The following SEMA6A variants were observed in gnomAD, a reference collection of about 807,000 sequenced individuals.
SEMA6A encodes the protein semaphorin-6A.
Under a neutral mutation model 96.8 loss-of-function variants are expected in SEMA6A, and 25 were observed. The observed-to-expected ratio is 0.26, with a 90% CI of 0.19 to 0.36. The LOEUF is 0.36. Among genes scored for constraint, SEMA6A ranks in the 10% least tolerant of loss-of-function variants. The pLI is 1.00. For synonymous variants in SEMA6A, 612 were observed against 518.0 expected (o/e 1.18, Z -2.46); for missense variants, 1,363 against 1,323.1 (o/e 1.03, Z -0.47).
intron 1 of SEMA6A, among the ~76,000 whole-genome samples, chr5:116,517,984 C>T (rs575642052): frequency 6.6e-6 from 1 of 152,336 alleles, no homozygotes; most frequent in South Asian, 2.1e-4. Flanking sequence ...CAATCCCTGG[C>T]ATCAGAAGCA....
rs1265096571 is a variant in SEMA6A at position 116,497,384 on chromosome 5, G to A, written c.222C>T (p.Asp74=). The change falls in exon 4 of 19, where the codon GAC becomes GAT. Residue 74 remains aspartate, a synonymous_variant. Transcript: ENST00000343348. ...TGTCTATATCAACAGTATAAATATG[G>A]TCCCTATAGGCAAAGAAAAATTAAT... The part of the protein sequence containing the change: ...MNGTLYIAAR[D]HIYTVDIDTS... 1.9e-6 allele frequency: 3 copies of A among 1,584,682 alleles called. No homozygotes were observed. The highest frequency in any genetic ancestry group is 1.3e-5 in the African/African-American group (1 of 74,096).
intron 1 of SEMA6A, among the ~76,000 whole-genome samples, chr5:116,544,817 A>G (rs1289746983): frequency 1.3e-5 from 2 of 152,220 alleles, no homozygotes; most frequent in Non-Finnish European, 1.5e-5. Flanking sequence ...ACCACTGTTA[A>G]ATATAGTGAA....
chr5:116,457,837 A>G (rs72810791), intron 18 of SEMA6A, among the ~76,000 whole-genome samples: 31,387 of 152,132 alleles, frequency 0.21, 3,402 homozygotes, highest in East Asian at 0.39. Context: ...GCAAGAGTTT[A>G]TCTATTACTT....
At chr5:116,476,475 C>T (rs1257022981) in intron 15 of SEMA6A, among the ~76,000 whole-genome samples, 1 of 152,106 alleles carries the variant, frequency 6.6e-6, no homozygotes, top group African/African-American at 2.4e-5. Flanking sequence ...TTTTTTGCCA[C>T]ATTAAAAATC....
At chr5:116,482,606 C>G in intron 10 of SEMA6A, 31 bp from the exon 11 acceptor site, 1 of 1,611,526 alleles carries the variant, frequency 6.2e-7, no homozygotes, top group Non-Finnish European at 8.5e-7. Context: ...TCAAGTGTTA[C>G]TCATGCAATG....
At chr5:116,524,616 A>AAAT (rs979953339) in intron 1 of SEMA6A, among the ~76,000 whole-genome samples, 1 of 152,106 alleles carries the variant, frequency 6.6e-6, no homozygotes, top group African/African-American at 2.4e-5. Flanking sequence ...AAAAAAAAAA[A>AAAT]TCATGAACAG....
At chr5:116,487,106 AAG>A (rs1399013191) in intron 9 of SEMA6A, 140 bp from the exon 10 acceptor site, 4 of 593,516 alleles carry the variant, frequency 6.7e-6, no homozygotes, top group East Asian at 2.8e-5. Context: ...AAAAAAAAAA[AAG>A]AAAGAAAAGA....
intron 1 of SEMA6A, among the ~76,000 whole-genome samples, chr5:116,568,530 A>G (rs1334944494): frequency 1.3e-5 from 2 of 152,342 alleles, no homozygotes; most frequent in Middle Eastern, 3.4e-3. Flanking sequence ...TGAACGTTCT[A>G]TGGCCAGTGG....
rs115412879 is a variant in SEMA6A at position 116,502,864 on chromosome 5, G to C, written c.101-537C>G. ...ATCCACTATTGAAGGCAGCCCCTGA[G>C]AGGTTGGTTGGCATTCTAGGAACTG... On this transcript the variant is annotated intron_variant, in intron 2 of 18. Transcript: ENST00000343348. Among the ~76,000 whole-genome samples the C allele has an allele frequency of 5.3e-5, 8 of 152,366 alleles. No homozygotes were observed. In the East Asian group the frequency reaches 1.5e-3, roughly 29 times the overall value.
chr5:116,472,006 A>G (rs917578405), intron 17 of SEMA6A, among the ~76,000 whole-genome samples: 5 of 152,138 alleles, frequency 3.3e-5, no homozygotes, highest in Non-Finnish European at 7.3e-5. Context: ...TATATATCTT[A>G]AACACACAAA....
chr5:116,471,959 TCTGTACTTAAAGA>T (rs1422543590), intron 17 of SEMA6A, among the ~76,000 whole-genome samples: 1 of 152,180 alleles, frequency 6.6e-6, no homozygotes, highest in African/African-American at 2.4e-5. Flanking sequence ...TTTACCTATT[TCTGTACTTAAAGA>T]CTGTCCTGGA....
chr5:116,472,877 A>G lies in SEMA6A; in HGVS notation c.1729+196T>C, dbSNP rs1226679916. On this transcript the variant is annotated intron_variant, in intron 17 of 18. Transcript: ENST00000343348. ...ATTTAAAAAAAAAAAAAAAATCCGTAAACTGACCATACACTGTGTTGTAAG... is the reference window on the plus strand; with the variant it reads ...ATTTAAAAAAAAAAAAAAAATCCGTGAACTGACCATACACTGTGTTGTAAG... 1.0e-5 allele frequency: 15 copies of G among 1,493,054 alleles called. No homozygotes were observed. In the East Asian group the frequency reaches 3.5e-4, roughly 35 times the overall value. The allele number at this position is 1,493,054 out of a possible 1,614,324, so 92.5% of individuals were successfully genotyped here.
Position 116,477,886 on chromosome 5 carries a change from T to G in SEMA6A, c.1609A>C (p.Lys537Gln). 6.2e-7 allele frequency: 1 copy of G among 1,613,966 alleles called. No homozygotes were observed. Among genetic ancestry groups the G allele is most frequent in the Non-Finnish European group, 8.5e-7 (1 of 1,179,848 alleles). Residue 537 changes from lysine (K) to glutamine (Q), a missense_variant, in exon 15 of 19, where the codon AAG (lysine) becomes CAG (glutamine). Around this residue, in one of 2 missense-constraint regions of SEMA6A, gnomAD observed 883 missense variants for 763.6 expected, o/e 1.16. Transcript: ENST00000343348. ...ASRDPYCGWIKEGGACSHLSP... is the reference protein window; with the variant it reads ...ASRDPYCGWIQEGGACSHLSP... ...AAATGGCTGCAGGCACCACCTTCCT[T>G]TATCCATCCACAATATGGGTCTCTG...
intron 1 of SEMA6A, among the ~76,000 whole-genome samples, chr5:116,518,192 A>G (rs1758755822): frequency 6.8e-6 from 1 of 146,818 alleles, no homozygotes; most frequent in Admixed American, 6.8e-5. Context: ...GAGAAGGAAG[A>G]CAGACTCTCC....
At chr5:116,481,977 G>T (rs1756798071) in intron 11 of SEMA6A, among the ~76,000 whole-genome samples, 1 of 152,156 alleles carries the variant, frequency 6.6e-6, no homozygotes, top group South Asian at 2.1e-4. Flanking sequence ...CCTCGGTCTA[G>T]AGTCCTAGAC....
In SEMA6A at chr5:116,446,748, C is replaced by A; in HGVS notation, c.2958G>T (p.Gln986His). The change falls in exon 19 of 19, where the codon CAG becomes CAT. Residue 986 changes from glutamine to histidine, a missense_variant. Transcript: ENST00000343348. ...GTGAGTTGTAGGCGTTGAGGCTGGGCTGCCTCGAGACAGTCACGGCCTGGC... is the reference window on the plus strand; with the variant it reads ...GTGAGTTGTAGGCGTTGAGGCTGGGATGCCTCGAGACAGTCACGGCCTGGC... The part of the protein sequence containing the change: ...PSGQAVTVSR[Q>H]PSLNAYNSLT... The A allele has an allele frequency of 6.2e-7, 1 of 1,607,180 alleles. No individual in the cohort carries two copies. Among genetic ancestry groups the A allele is most frequent in the Non-Finnish European group, 8.5e-7 (1 of 1,176,554 alleles).
intron 1 of SEMA6A, among the ~76,000 whole-genome samples, chr5:116,572,255 G>C (rs1170876798): frequency 6.6e-6 from 1 of 152,180 alleles, no homozygotes; most frequent in Non-Finnish European, 1.5e-5. Context: ...GCACGCCTGT[G>C]TTTTAAACCT....
rs568578151 is a variant in SEMA6A at position 116,463,314 on chromosome 5, T to A, written c.1894+4269A>T. On this transcript the variant is annotated intron_variant, in intron 18 of 18. Coordinates refer to ENST00000343348, the MANE Select transcript of SEMA6A (RefSeq NM_020796.5). ...TCCCTGCCACCTAAATCATGCCATG[T>A]AAGGTGCTACTCATCTCCCTCGGAG... Among the ~76,000 whole-genome samples, 8 of 152,324 alleles carry A rather than the reference T, an allele frequency of 5.3e-5. No individual in the cohort carries two copies. The South Asian group carries it at 6.2e-4, about 12-fold the overall frequency.
At chr5:116,479,592 G>C (rs1265636724) in intron 12 of SEMA6A, among the ~76,000 whole-genome samples, 1 of 152,300 alleles carries the variant, frequency 6.6e-6, no homozygotes, top group East Asian at 1.9e-4. Context: ...ATAAATACAA[G>C]GAAGAGTTTT....
Sources: allele counts gnomAD v4.1 joint callset (sites outside exome capture counted in the v4.1 genomes callset), GRCh38; gene constraint gnomAD v4.1.1; regional missense constraint gnomAD v4.1.1; transcripts MANE v1.5; gene names NCBI Gene and HGNC (gene_info 2026-07-23, HGNC 2026-07-21).